CTNNA3: variants seen among roughly 807,000 people sequenced by gnomAD.
CTNNA3 encodes the protein catenin alpha 3, also known as catenin alpha-3.
Under a neutral mutation model 95.7 loss-of-function variants are expected in CTNNA3, and 76 were observed. The ratio of observed to expected loss-of-function variants is 0.79; its 90% confidence interval spans 0.66 to 0.96. CTNNA3 has a LOEUF of 0.96. CTNNA3 is among the 40% of genes least tolerant of loss of function. The pLI is 0.00. For synonymous variants in CTNNA3, 431 were observed against 374.4 expected (o/e 1.15, Z -1.74); for missense variants, 1,191 against 1,089.8 (o/e 1.09, Z -1.31).
chr10:66,651,227 T>C (rs1036670308), intron 9 of CTNNA3, among the ~76,000 whole-genome samples: 2 of 152,172 alleles, frequency 1.3e-5, no homozygotes, highest in Non-Finnish European at 2.9e-5. Flanking sequence ...ATCCTCTAGC[T>C]AGACATAAAA....
chr10:66,359,521 T>C (rs2092637078), intron 12 of CTNNA3, among the ~76,000 whole-genome samples: 1 of 152,302 alleles, frequency 6.6e-6, no homozygotes, highest in African/African-American at 2.4e-5. Flanking sequence ...TCTTAAATGT[T>C]TAGTTCCAGG....
At chr10:66,561,754 A>G (rs1411382340) in intron 10 of CTNNA3, among the ~76,000 whole-genome samples, 1 of 152,056 alleles carries the variant, frequency 6.6e-6, no homozygotes, top group Non-Finnish European at 1.5e-5. Context: ...CCTAATGGAA[A>G]CTTTTGAGAA....
chr10:67,685,944 C>A (rs1387047594), intron 1 of CTNNA3, among the ~76,000 whole-genome samples: 1 of 151,938 alleles, frequency 6.6e-6, no homozygotes, highest in Non-Finnish European at 1.5e-5. Context: ...CTATCTGTTT[C>A]TTCCTCTCTC....
At chr10:67,282,270 C>T (rs988065308) in intron 5 of CTNNA3, among the ~76,000 whole-genome samples, 1 of 152,122 alleles carries the variant, frequency 6.6e-6, no homozygotes, top group African/African-American at 2.4e-5. Context: ...TAGTCTTGAA[C>T]ATACAAAAAT....
Position 66,069,437 on chromosome 10 carries a change from A to C in CTNNA3, c.2030T>G (p.Val677Gly). ...ACTCTTTACTTTCTTGAAATCAGCA[A>C]CTTGCTCAGCAATCTTTTCTTTTTC... ...EAEKEKIAEQVADFKKVKSKL... is the reference protein window; with the variant it reads ...EAEKEKIAEQGADFKKVKSKL... Residue 677 changes from valine to glycine, a missense_variant, in exon 15 of 18, where the codon GTT becomes GGT. Val to Gly is a moderately radical substitution (Grantham distance 109). Transcript: ENST00000433211. 1 of 1,613,430 alleles carries C rather than the reference A, an allele frequency of 6.2e-7. No homozygotes were observed. Among genetic ancestry groups the C allele is most frequent in the Non-Finnish European group, 8.5e-7 (1 of 1,179,678 alleles).
At chr10:66,819,806 T>C (rs1842235966) in intron 7 of CTNNA3, among the ~76,000 whole-genome samples, 1 of 152,070 alleles carries the variant, frequency 6.6e-6, no homozygotes, top group South Asian at 2.1e-4. Context: ...ACCACTAATA[T>C]GACTATAATT....
chr10:66,265,934 T>A (rs1053182025), intron 13 of CTNNA3, among the ~76,000 whole-genome samples: 1 of 151,920 alleles, frequency 6.6e-6, no homozygotes, highest in South Asian at 2.1e-4. Flanking sequence ...TATGGCTAAG[T>A]GTTCGATAGA....
intron 13 of CTNNA3, among the ~76,000 whole-genome samples, chr10:66,213,248 A>G (rs1358472263): frequency 6.6e-6 from 1 of 152,114 alleles, no homozygotes; most frequent in Non-Finnish European, 1.5e-5. Flanking sequence ...TTTTATTATA[A>G]TATCATGTAT....
chr10:66,625,471 C>T (rs1844901533), intron 9 of CTNNA3, among the ~76,000 whole-genome samples: 1 of 152,138 alleles, frequency 6.6e-6, no homozygotes, highest in South Asian at 2.1e-4. Flanking sequence ...TCACTGCAAC[C>T]TCCACCTCCT....
intron 12 of CTNNA3, among the ~76,000 whole-genome samples, chr10:66,377,075 C>T (rs17261420): frequency 0.061 from 9,226 of 152,082 alleles, 393 homozygotes; most frequent in East Asian, 0.1. Context: ...GTAAGGCATG[C>T]TTTTCATAAA....
At chr10:66,677,524 CAT>C (rs1398895850) in intron 9 of CTNNA3, among the ~76,000 whole-genome samples, 26 of 152,094 alleles carry the variant, frequency 1.7e-4, no homozygotes, top group African/African-American at 4.8e-4. Flanking sequence ...ATAATTCCCA[CAT>C]GTCATGGGAA....
chr10:66,644,260 C>CTCTG lies in CTNNA3; in HGVS notation c.1282-22480_1282-22477dup, dbSNP rs138947110. Among the ~76,000 whole-genome samples the CTCTG allele has an allele frequency of 3.1e-4, 45 of 144,436 alleles. 1 individual carries two copies. The highest frequency in any genetic ancestry group is 7.8e-4 in the Admixed American group (11 of 14,158). The allele number at this position is 144,436 out of a possible 152,430, so 94.8% of individuals were successfully genotyped here. ...AGTGACGGAATAAGAGACTTGGTCT[C>CTCTG]TCTGTCTGTCTGTCTGTCTGTCTGT... On this transcript the variant is annotated intron_variant, in intron 9 of 17. Transcript: ENST00000433211.
At chr10:67,538,200 T>C (rs534752702) in intron 4 of CTNNA3, among the ~76,000 whole-genome samples, 1 of 148,332 alleles carries the variant, frequency 6.7e-6, no homozygotes, top group African/African-American at 2.5e-5. Flanking sequence ...TTGCTGTTTT[T>C]ACAGTAATAA....
At chr10:66,000,891 G>A (rs2078757365) in intron 15 of CTNNA3, among the ~76,000 whole-genome samples, 1 of 152,068 alleles carries the variant, frequency 6.6e-6, no homozygotes, top group Admixed American at 6.6e-5. Flanking sequence ...CAGGGAATGT[G>A]GCTACAGAGT....
rs542304623 is a variant in CTNNA3 at position 67,082,747 on chromosome 10, A to C, written c.1047+97570T>G. On this transcript the variant is annotated intron_variant, in intron 7 of 17. Transcript: ENST00000433211. ...ATAAAGTACTTCTACATCAGCATAG[A>C]GAAGAGGATTTCTGAATATGAGTGT... Among the ~76,000 whole-genome samples the C allele has an allele frequency of 2.0e-5, 3 of 152,256 alleles. No homozygotes were observed. In the South Asian group the frequency reaches 6.2e-4, roughly 32 times the overall value.
chr10:65,950,420 C>T (rs960456940), intron 17 of CTNNA3, among the ~76,000 whole-genome samples: 6 of 152,070 alleles, frequency 3.9e-5, no homozygotes, highest in Admixed American at 3.9e-4. Context: ...TCTTCTCTCC[C>T]CTTTTCTTCT....
At chr10:67,312,652 T>C (rs1278687399) in intron 5 of CTNNA3, among the ~76,000 whole-genome samples, 1 of 152,202 alleles carries the variant, frequency 6.6e-6, no homozygotes, top group Non-Finnish European at 1.5e-5. Flanking sequence ...ACGATAGCCA[T>C]TGATTCTGTG....
intron 9 of CTNNA3, among the ~76,000 whole-genome samples, chr10:66,625,701 C>A (rs746629294): frequency 8.5e-5 from 13 of 152,180 alleles, no homozygotes; most frequent in Non-Finnish European, 1.8e-4. Context: ...AGTTCCAGTT[C>A]TGTATACTAG....
chr10:67,335,043 T>TAC (rs1375178049), intron 5 of CTNNA3, among the ~76,000 whole-genome samples: 1 of 151,842 alleles, frequency 6.6e-6, no homozygotes, highest in African/African-American at 2.4e-5. Context: ...CACACACATA[T>TAC]ACACACACAC....
Sources: allele counts gnomAD v4.1 joint callset (sites outside exome capture counted in the v4.1 genomes callset), GRCh38; gene constraint gnomAD v4.1.1; transcripts MANE v1.5; gene names NCBI Gene and HGNC (gene_info 2026-07-23, HGNC 2026-07-21).